CRTC1: variants seen among roughly 807,000 people sequenced by gnomAD.
The protein encoded by CRTC1 is CREB-regulated transcription coactivator 1.
CRTC1 carries 18 observed loss-of-function variants against 66.1 expected under a neutral mutation model. The ratio of observed to expected loss-of-function variants is 0.27; its 90% CI spans 0.19 to 0.40. The LOEUF (loss-of-function observed/expected upper bound fraction) is 0.40. Among genes scored for constraint, CRTC1 ranks in the 10% least tolerant of loss-of-function variants. CRTC1 has a pLI of 1.00. For missense variants in CRTC1, 669 were observed against 887.9 expected, an observed-to-expected ratio of 0.75 and a Z score of 3.13; for synonymous variants, 416 against 398.8, an observed-to-expected ratio of 1.04 and a Z score of -0.51.
intron 1 of CRTC1, among the ~76,000 whole-genome samples, chr19:18,718,814 G>A (rs1243988107): frequency 1.3e-5 from 2 of 152,170 alleles, no homozygotes; most frequent in Admixed American, 6.6e-5. Context: ...GTCCAGGAGT[G>A]GGATTGCTTG....
At chr19:18,711,933 TATAAC>T (rs1318834490) in intron 1 of CRTC1, among the ~76,000 whole-genome samples, 6 of 152,110 alleles carry the variant, frequency 3.9e-5, no homozygotes, top group Non-Finnish European at 5.9e-5. Flanking sequence ...ATAAAACACA[TATAAC>T]ATAAAAATTA....
rs545454303 is a variant in CRTC1 at position 18,760,773 on chromosome 19, G to A, written c.886+545G>A. ...GGCGCTGCTGCCGCCCTGCTCCCCC[G>A]GGACCCCCCTCCTGTGGCTGCACTG... On this transcript the variant is annotated intron_variant, in intron 8 of 13. Transcript: ENST00000321949. The surrounding 1 kb of genome is among the most constrained non-coding windows in gnomAD (Gnocchi z 6.2). Among the ~76,000 whole-genome samples, 11 of 151,108 alleles carry A rather than the reference G, an allele frequency of 7.3e-5. No homozygotes were observed. Among genetic ancestry groups the A allele is most frequent in the Admixed American group, 5.9e-4 (9 of 15,228 alleles).
chr19:18,768,888 C>T lies in CRTC1; in HGVS notation c.1320+95C>T. On this transcript the variant is annotated intron_variant, in intron 10 of 13. Transcript: ENST00000321949. The surrounding 1 kb of genome is among the most constrained non-coding windows in gnomAD (Gnocchi z 5.6). ...ACAGTCGGGTTACCTGCTGCATGGG[C>T]CAGGGGTCAGAACCCCAGCGAACGC... 1.4e-6 allele frequency: 2 copies of T among 1,446,646 alleles called. No homozygotes were observed. Among genetic ancestry groups the T allele is most frequent in the South Asian group, 1.4e-5 (1 of 71,022 alleles). 89.6% of individuals were successfully genotyped at this position (1,446,646 alleles called of 1,614,324 possible).
chr19:18,767,970 C>T (rs2054773176), intron 9 of CRTC1, among the ~76,000 whole-genome samples: 1 of 152,224 alleles, frequency 6.6e-6, no homozygotes, highest in Non-Finnish European at 1.5e-5. Context: ...ATTGATTTTC[C>T]TCTTTCCAGC....
intron 6 of CRTC1, among the ~76,000 whole-genome samples, chr19:18,754,000 C>T (rs1398495943): frequency 6.6e-6 from 1 of 151,152 alleles, no homozygotes; most frequent in East Asian, 1.9e-4. Flanking sequence ...ACTTGGGAGA[C>T]TGAGGTGGGA....
intron 1 of CRTC1, among the ~76,000 whole-genome samples, chr19:18,728,015 C>T (rs530131382): frequency 2.6e-5 from 4 of 152,166 alleles, no homozygotes; most frequent in East Asian, 1.9e-4. Context: ...CGTGAGCCAC[C>T]GTGCCCGGCC....
intron 1 of CRTC1, among the ~76,000 whole-genome samples, chr19:18,691,522 C>CA (rs60633222): frequency 0.012 from 835 of 72,460 alleles, 8 homozygotes; most frequent in Non-Finnish European, 0.017. Flanking sequence ...CCCTTTTCTC[C>CA]AAAAAAAAAA....
intron 1 of CRTC1, among the ~76,000 whole-genome samples, chr19:18,699,746 G>C (rs1014278764): frequency 1.3e-5 from 2 of 152,178 alleles, no homozygotes; most frequent in Non-Finnish European, 2.9e-5. Context: ...TGCCTCGTGG[G>C]CCAGGGTGAG....
intron 1 of CRTC1, among the ~76,000 whole-genome samples, chr19:18,720,475 G>A (rs1039864880): frequency 3.3e-5 from 5 of 150,932 alleles, no homozygotes; most frequent in East Asian, 3.9e-4. Flanking sequence ...TCAGCCTCCC[G>A]AGTAACTGGG....
chr19:18,759,842 T>C (rs1042711314), intron 7 of CRTC1, among the ~76,000 whole-genome samples, 166 bp from the exon 8 acceptor site: 2 of 151,572 alleles, frequency 1.3e-5, no homozygotes, highest in African/African-American at 2.4e-5. Flanking sequence ...ATAGGCTGCT[T>C]TCCAAGGTCT....
intron 8 of CRTC1, among the ~76,000 whole-genome samples, chr19:18,765,149 G>A (rs1448313568): frequency 6.6e-6 from 1 of 152,198 alleles, no homozygotes; most frequent in Non-Finnish European, 1.5e-5. Flanking sequence ...CCAGAGATGG[G>A]GATGTGCTGG....
At chr19:18,761,160 T>C (rs1476352262) in intron 8 of CRTC1, among the ~76,000 whole-genome samples, 1 of 152,046 alleles carries the variant, frequency 6.6e-6, no homozygotes, top group African/African-American at 2.4e-5. Context: ...CCTGCCCTGG[T>C]CAGAGCTAGT....
chr19:18,729,626 A>G (rs921699710), intron 1 of CRTC1, among the ~76,000 whole-genome samples: 4 of 152,026 alleles, frequency 2.6e-5, no homozygotes, highest in Admixed American at 6.6e-5. Flanking sequence ...CTGTAGTCCC[A>G]GCTACTGGGG....
intron 1 of CRTC1, among the ~76,000 whole-genome samples, chr19:18,686,534 C>G (rs1386624615): frequency 6.6e-6 from 1 of 152,198 alleles, no homozygotes; most frequent in African/African-American, 2.4e-5. Context: ...GTAATCCCAG[C>G]TACTCGGGAG....
intron 12 of CRTC1, among the ~76,000 whole-genome samples, chr19:18,775,341 G>A (rs968060657): frequency 6.6e-6 from 1 of 152,270 alleles, no homozygotes. Flanking sequence ...TTGCCGGGAG[G>A]TCGTGCTGGC....
chr19:18,747,920 TGA>T (rs2054281599), intron 4 of CRTC1, among the ~76,000 whole-genome samples: 1 of 151,688 alleles, frequency 6.6e-6, no homozygotes, highest in Admixed American at 6.6e-5. Flanking sequence ...TTACAAAAAA[TGA>T]GAGAATTAGC....
chr19:18,688,174 G>A (rs1480970952), intron 1 of CRTC1, among the ~76,000 whole-genome samples: 7 of 152,102 alleles, frequency 4.6e-5, no homozygotes, highest in East Asian at 1.9e-4. Flanking sequence ...TGAAGCAGAC[G>A]CCCTCAGAAG....
chr19:18,758,659 G>T (rs1285559282), intron 6 of CRTC1, among the ~76,000 whole-genome samples: 4 of 152,200 alleles, frequency 2.6e-5, no homozygotes, highest in African/African-American at 4.8e-5. Flanking sequence ...GAAGTCACAT[G>T]TCTAGGTCTC....
Position 18,759,392 on chromosome 19 carries a change from C to A in CRTC1, c.625-159C>A, listed in dbSNP as rs181895544. Among the ~76,000 whole-genome samples the A allele has an allele frequency of 1.4e-3, 204 of 150,406 alleles. 1 individual carries two copies. Among genetic ancestry groups the A allele is most frequent in the African/African-American group, 4.9e-3 (200 of 40,870 alleles). ...CTCCACCCTGGGGCGGTGCCCCTGT[C>A]CTCCATCTGTGGGGCTCTGCGGCCC... On this transcript the variant is annotated intron_variant, in intron 6 of 13. Transcript: ENST00000321949.
Sources: gnomAD v4.1 joint callset for allele counts (sites outside exome capture counted in the v4.1 genomes callset) on GRCh38, gnomAD v4.1.1 for gene constraint, Gnocchi (gnomAD v3.1) non-coding constraint, MANE v1.5 for transcripts, NCBI Gene and HGNC (gene_info 2026-07-23, HGNC 2026-07-21) for gene names.